The following OR10G3 variants were observed in gnomAD, a reference collection of about 807,000 sequenced individuals.
The protein encoded by OR10G3 is olfactory receptor 10G3.
A neutral mutation model predicts 13.4 loss-of-function variants in OR10G3; 8 were observed. The observed-to-expected ratio is 0.60, with a 90% CI of 0.35 to 1.08. The LOEUF (loss-of-function observed/expected upper bound fraction) is 1.08, where lower values mean the gene tolerates loss of function less well. Ranked by LOEUF, OR10G3 falls within the 50% of genes least tolerant of loss-of-function variation. The pLI is 0.02. For synonymous variants in OR10G3, 142 were observed against 156.1 expected, an observed-to-expected ratio of 0.91 and a Z score of 0.67; for missense variants, 393 against 386.6, an observed-to-expected ratio of 1.02 and a Z score of -0.14.
Position 21,571,395 on chromosome 14 carries a change from A to T in OR10G3, c.-17-634T>A, listed in dbSNP as rs965274797. 3.3e-5 allele frequency among the ~76,000 whole-genome samples: 5 copies of T among 151,144 alleles called. No homozygotes were observed. In the Middle Eastern group the frequency reaches 0.01, roughly 308 times the overall value. On this transcript the variant is annotated intron_variant, in intron 1 of 1. Coordinates refer to ENST00000641040, the MANE Select transcript of OR10G3 (RefSeq NM_001005465.2). ...TACCATTAAAAGGAAGAGAATGACC[A>T]TGAAGCTGTAAGTACATAAATAAAG...
chr14:21,570,941 C>A (rs1194854124), intron 1 of OR10G3, among the ~76,000 whole-genome samples, 180 bp from the exon 2 acceptor site: 1 of 152,178 alleles, frequency 6.6e-6, no homozygotes, highest in Non-Finnish European at 1.5e-5. Context: ...CTTATTGGAA[C>A]ACAGCCTTGC....
At chr14:21,572,696 T>C (rs1358404407) in intron 1 of OR10G3, among the ~76,000 whole-genome samples, 3 of 151,812 alleles carry the variant, frequency 2.0e-5, no homozygotes, top group African/African-American at 7.3e-5. Context: ...TTCAGATATC[T>C]AAATTCATGG....
Position 21,570,170 on chromosome 14 carries a change from T to C in OR10G3, c.575A>G (p.Asp192Gly), listed in dbSNP as rs573372508. The C allele has an allele frequency of 1.2e-5, 19 of 1,614,174 alleles. No homozygotes were observed. The South Asian group carries it at 2.1e-4, about 18-fold the overall frequency. Residue 192 changes from aspartate (D) to glycine (G), a missense_variant, in exon 2 of 2, where the codon GAC becomes GGC. Transcript: ENST00000641040. ...IPAVLRLACA[D>G]TTVNELVTFV... ...CGTCACCAGCTCGTTGACTGTTGTG[T>C]CAGCACAGGCCAGTCTCAACACTGC...
chr14:21,577,818 C>T (rs1029049544), intron 1 of OR10G3, among the ~76,000 whole-genome samples: 2 of 151,864 alleles, frequency 1.3e-5, no homozygotes, highest in South Asian at 2.1e-4. Context: ...GCCTGACCAA[C>T]GTGAAGAAAC....
chr14:21,578,699 G>T (rs1876815919), intron 1 of OR10G3, among the ~76,000 whole-genome samples: 1 of 150,326 alleles, frequency 6.7e-6, no homozygotes, highest in South Asian at 2.2e-4. Context: ...TCTGAAAATC[G>T]ACTCAAAGCA....
chr14:21,577,863 G>A (rs1245813723), intron 1 of OR10G3, among the ~76,000 whole-genome samples: 7 of 152,244 alleles, frequency 4.6e-5, no homozygotes, highest in African/African-American at 1.7e-4. Context: ...TTAGTGTGGT[G>A]TGGTGGCACA....
chr14:21,572,637 A>G (rs1311996997), intron 1 of OR10G3, among the ~76,000 whole-genome samples: 2 of 150,528 alleles, frequency 1.3e-5, no homozygotes, highest in African/African-American at 2.4e-5. Flanking sequence ...AAAAAGAAGG[A>G]AAAGGGTTGG....
At position 21,569,888 on chromosome 14, in the gene OR10G3, G is replaced by A; in HGVS notation, c.857C>T (p.Pro286Leu). 1.2e-6 allele frequency: 2 copies of A among 1,613,850 alleles called. No homozygotes were observed. Among genetic ancestry groups the A allele is most frequent in the East Asian group, 2.2e-5 (1 of 44,836 alleles). Residue 286 changes from proline to leucine, a missense_variant, in exon 2 of 2, where the codon CCC (proline) becomes CTC (leucine). Coordinates refer to ENST00000641040, the MANE Select transcript of OR10G3 (RefSeq NM_001005465.2). ...VPTAITPFLNPLIYTLRNQEV... is the reference protein window; with the variant it reads ...VPTAITPFLNLLIYTLRNQEV... ...TTGGTTCCGCAGAGTGTAGATAAGGGGGTTGAGGAAAGGAGTGATGGCCGT... is the reference window on the plus strand; with the variant it reads ...TTGGTTCCGCAGAGTGTAGATAAGGAGGTTGAGGAAAGGAGTGATGGCCGT...
At chr14:21,572,872 C>G (rs74948775) in intron 1 of OR10G3, among the ~76,000 whole-genome samples, 5,407 of 152,170 alleles carry the variant, frequency 0.036, 324 homozygotes, top group African/African-American at 0.12. Context: ...ATGCCTGTGG[C>G]TTTTTCTGTG....
intron 1 of OR10G3, among the ~76,000 whole-genome samples, chr14:21,572,222 G>T (rs1419920131): frequency 7.0e-6 from 1 of 143,164 alleles, no homozygotes; most frequent in Non-Finnish European, 1.5e-5. Flanking sequence ...AACCCAGGGG[G>T]TGGAGGTGAG....
intron 1 of OR10G3, among the ~76,000 whole-genome samples, chr14:21,577,595 A>G (rs942453108): frequency 6.6e-5 from 10 of 152,250 alleles, no homozygotes; most frequent in African/African-American, 2.4e-4. Context: ...CAAAATTGAG[A>G]CATAGTGGAG....
In OR10G3 at chr14:21,570,295, C is replaced by G. The variant is rs200504089; in HGVS notation, c.450G>C (p.Trp150Cys). 1 of 1,614,204 alleles carries G rather than the reference C, an allele frequency of 6.2e-7. No individual in the cohort carries two copies. Among genetic ancestry groups the G allele is most frequent in the Middle Eastern group, 1.6e-4 (1 of 6,062 alleles). ...GAGCCCCATGGATGGATCCTGCCAT[C>G]CAGGCTCCAGCCACAAGCAAGGCGC... is the stretch of plus-strand genomic sequence containing the variant. ...KLSALLVAGA[W>C]MAGSIHGALQ... The change falls in exon 2 of 2, where the codon TGG becomes TGC. Residue 150 changes from tryptophan (W) to cysteine (C), a missense_variant. Coordinates refer to ENST00000641040, the MANE Select transcript of OR10G3 (RefSeq NM_001005465.2).
intron 1 of OR10G3, among the ~76,000 whole-genome samples, chr14:21,577,146 T>C (rs1876760076): frequency 6.6e-6 from 1 of 151,962 alleles, no homozygotes; most frequent in Non-Finnish European, 1.5e-5. Flanking sequence ...ATCCCACATG[T>C]GGTTCTGAGA....
chr14:21,577,859 T>A (rs1391755239), intron 1 of OR10G3, among the ~76,000 whole-genome samples: 2 of 58,280 alleles, frequency 3.4e-5, no homozygotes, highest in African/African-American at 5.2e-5. Flanking sequence ...AAAATTAGTG[T>A]GGTGTGGTGG....
Position 21,569,789 on chromosome 14 carries a change from G to A in OR10G3, c.*14C>T. ...TCTAATTGTGGCAGCTTCCCTAGTG[G>A]GAGAAAGACACTTTCAAACCTCACT... On this transcript the variant is annotated 3_prime_UTR_variant, in exon 2 of 2. Coordinates refer to ENST00000641040, the MANE Select transcript of OR10G3 (RefSeq NM_001005465.2). 6.2e-7 allele frequency: 1 copy of A among 1,600,170 alleles called. No homozygotes were observed. Among genetic ancestry groups the A allele is most frequent in the Non-Finnish European group, 8.5e-7 (1 of 1,170,814 alleles).
At chr14:21,578,335 C>T (rs942046615) in intron 1 of OR10G3, among the ~76,000 whole-genome samples, 1 of 151,900 alleles carries the variant, frequency 6.6e-6, no homozygotes, top group South Asian at 2.1e-4. Flanking sequence ...AGCTTGAACC[C>T]GGAAGGCAGA....
chr14:21,576,280 C>T (rs1469474974), intron 1 of OR10G3, among the ~76,000 whole-genome samples: 2 of 152,182 alleles, frequency 1.3e-5, no homozygotes, highest in African/African-American at 4.8e-5. Flanking sequence ...GGAGATCTTG[C>T]TCCCATGTCT....
At chr14:21,574,705 T>C (rs1304811918) in intron 1 of OR10G3, 2 of 152,182 alleles carry the variant, frequency 1.3e-5, no homozygotes, top group South Asian at 2.1e-4. Flanking sequence ...CCCAGCACTT[T>C]GGAAGGCTGA....
In OR10G3 at chr14:21,569,865, G is replaced by T; in HGVS notation, c.880C>A (p.Gln294Lys). Residue 294 changes from glutamine to lysine, a missense_variant, in exon 2 of 2, where the codon CAA becomes AAA. By Grantham distance (53) the Gln-to-Lys change is moderately conservative. Transcript: ENST00000641040. The stretch of plus-strand genomic sequence containing the variant: ...CTTTTCAGGGCCAGCTTCACCTCTT[G>T]GTTCCGCAGAGTGTAGATAAGGGGG... ...LNPLIYTLRNQEVKLALKRML... is the reference protein window; with the variant it reads ...LNPLIYTLRNKEVKLALKRML... The T allele has an allele frequency of 6.2e-7, 1 of 1,614,182 alleles. No homozygotes were observed. The highest frequency in any genetic ancestry group is 8.5e-7 in the Non-Finnish European group (1 of 1,180,022).
Sources: allele counts gnomAD v4.1 joint callset (sites outside exome capture counted in the v4.1 genomes callset), GRCh38; gene constraint gnomAD v4.1.1; transcripts MANE v1.5; gene names NCBI Gene and HGNC (gene_info 2026-07-23, HGNC 2026-07-21).